PTPRQ: variants seen among roughly 807,000 people sequenced by gnomAD.
The protein encoded by PTPRQ is phosphatidylinositol phosphatase PTPRQ.
PTPRQ carries 199 observed loss-of-function variants against 246.0 expected under a neutral mutation model. The ratio of observed to expected loss-of-function variants is 0.81; its 90% CI spans 0.72 to 0.91. The LOEUF (loss-of-function observed/expected upper bound fraction) is 0.91. Ranked by LOEUF, PTPRQ falls within the 40% of genes least tolerant of loss-of-function variation. PTPRQ has a pLI of 0.00. For missense variants in PTPRQ, 2,624 were observed against 2,528.4 expected, an observed-to-expected ratio of 1.04 and a Z score of -0.81; for synonymous variants, 869 against 853.2, an observed-to-expected ratio of 1.02 and a Z score of -0.32.
chr12:80,537,343 C>T (rs1339036078), intron 19 of PTPRQ, among the ~76,000 whole-genome samples: 2 of 152,138 alleles, frequency 1.3e-5, no homozygotes, highest in African/African-American at 2.4e-5. Flanking sequence ...TATCATCTTT[C>T]CCCTTCCTAC....
In PTPRQ at chr12:80,578,214, TC is replaced by T. The variant is rs1272873392; in HGVS notation, c.4286-9909del. 9.0e-5 allele frequency among the ~76,000 whole-genome samples: 10 copies of T among 110,900 alleles called. No homozygotes were observed. The East Asian group carries it at 1.3e-3, about 15-fold the overall frequency. The allele number at this position is 110,900 out of a possible 152,430, so 72.8% of individuals were successfully genotyped here. A position where few individuals can be genotyped will look rare whatever the true frequency, so the allele number is the denominator to read the frequency against. On this transcript the variant is annotated intron_variant, in intron 25 of 44. Transcript: ENST00000644991. ...TAGGTATATCTCCTAATGCTATCCC[TC>T]CCCCCTCCCCCCACCCCACAACAGG...
At chr12:80,613,008 C>A (rs1341620744) in intron 28 of PTPRQ, among the ~76,000 whole-genome samples, 1 of 150,294 alleles carries the variant, frequency 6.7e-6, no homozygotes, top group Non-Finnish European at 1.5e-5. Context: ...GAGAGAGTTT[C>A]TTTAGGGTGA....
At chr12:80,569,985 A>G (rs1394792658) in intron 25 of PTPRQ, among the ~76,000 whole-genome samples, 2 of 152,096 alleles carry the variant, frequency 1.3e-5, no homozygotes, top group African/African-American at 4.8e-5. Flanking sequence ...TCTATCATTG[A>G]TGTGCATTTG....
At chr12:80,573,004 ATAC>A (rs1208438062) in intron 25 of PTPRQ, among the ~76,000 whole-genome samples, 1 of 152,152 alleles carries the variant, frequency 6.6e-6, no homozygotes, top group Non-Finnish European at 1.5e-5. Context: ...CATCAAAGTT[ATAC>A]TACCCTAATA....
At chr12:80,608,981 C>T (rs1486395348) in intron 27 of PTPRQ, among the ~76,000 whole-genome samples, 1 of 150,584 alleles carries the variant, frequency 6.6e-6, no homozygotes, top group African/African-American at 2.4e-5. Flanking sequence ...CTGCCAGTGG[C>T]ATATATTCCT....
intron 8 of PTPRQ, among the ~76,000 whole-genome samples, chr12:80,482,046 A>G (rs1436486801): frequency 1.3e-5 from 2 of 149,560 alleles, no homozygotes; most frequent in African/African-American, 5.0e-5. Context: ...ATATGGAACC[A>G]AAAAAGAGCC....
chr12:80,566,067 G>T (rs1592662187), intron 25 of PTPRQ, among the ~76,000 whole-genome samples: 1 of 152,192 alleles, frequency 6.6e-6, no homozygotes, highest in East Asian at 1.9e-4. Context: ...TCTATGTCTA[G>T]ATACCTTTTT....
At chr12:80,589,993 A>C (rs1477815929) in intron 26 of PTPRQ, among the ~76,000 whole-genome samples, 1 of 152,204 alleles carries the variant, frequency 6.6e-6, no homozygotes, top group African/African-American at 2.4e-5. Flanking sequence ...AAGTCTGCTT[A>C]CATCTTGACT....
At chr12:80,466,443 A>G (rs1893417168) in intron 6 of PTPRQ, among the ~76,000 whole-genome samples, 1 of 152,232 alleles carries the variant, frequency 6.6e-6, no homozygotes. Flanking sequence ...AAGGTAATTT[A>G]TAGATTCTAT....
At chr12:80,678,012 T>C (rs1901200755) in intron 43 of PTPRQ, among the ~76,000 whole-genome samples, 1 of 152,122 alleles carries the variant, frequency 6.6e-6, no homozygotes, top group South Asian at 2.1e-4. Flanking sequence ...GCCCAAACAT[T>C]CAGATGCAAT....
At chr12:80,609,380 G>A (rs1187071048) in intron 27 of PTPRQ, among the ~76,000 whole-genome samples, 1 of 150,478 alleles carries the variant, frequency 6.6e-6, no homozygotes, top group Non-Finnish European at 1.5e-5. Context: ...AAAGTTATAA[G>A]GGAAGGTCAA....
chr12:80,602,827 T>C (rs1898188066), intron 26 of PTPRQ, among the ~76,000 whole-genome samples: 1 of 151,798 alleles, frequency 6.6e-6, no homozygotes, highest in Admixed American at 6.6e-5. Flanking sequence ...GAACCAGATA[T>C]ACTGCCCATA....
intron 34 of PTPRQ, 177 bp from the exon 35 acceptor site, chr12:80,634,768 T>C: frequency 3.4e-6 from 3 of 880,704 alleles, no homozygotes; most frequent in Non-Finnish European, 4.8e-6. Flanking sequence ...GAATAGGTTC[T>C]ATGGAATTAA....
At chr12:80,478,900 T>G (rs926102199) in intron 8 of PTPRQ, among the ~76,000 whole-genome samples, 1 of 152,154 alleles carries the variant, frequency 6.6e-6, no homozygotes, top group Non-Finnish European at 1.5e-5. Context: ...CTACGTCTGA[T>G]TGGTGTACCT....
chr12:80,627,110 G>GATGCCATGATATATGT lies in PTPRQ; in HGVS notation c.5686+4979_5686+4994dup, dbSNP rs1266984118. Among the ~76,000 whole-genome samples the GATGCCATGATATATGT allele has an allele frequency of 2.6e-5, 4 of 151,840 alleles. 1 individual carries two copies. Among genetic ancestry groups the GATGCCATGATATATGT allele is most frequent in the African/African-American group, 7.3e-5 (3 of 41,352 alleles). Reference sequence around the variant, plus strand: ...CGTATATATTTATGGGGAACAGAGTGATGCCATGATATATGTATACCATGT... The same window carrying GATGCCATGATATATGT: ...CGTATATATTTATGGGGAACAGAGTGATGCCATGATATATGTATGCCATGATATATGTATACCATGT... On this transcript the variant is annotated intron_variant, in intron 33 of 44. Transcript: ENST00000644991.
chr12:80,654,003 TTTTC>T (rs1020966481), intron 38 of PTPRQ, among the ~76,000 whole-genome samples: 181 of 151,674 alleles, frequency 1.2e-3, no homozygotes, highest in African/African-American at 3.4e-3. Context: ...CATAATTTCT[TTTTC>T]TTTCTTTCTT....
chr12:80,540,082 A>G, intron 20 of PTPRQ, 138 bp downstream of exon 20: 1 of 699,260 alleles, frequency 1.4e-6, no homozygotes, highest in Non-Finnish European at 2.1e-6. Context: ...AAATGCAATT[A>G]ATATACTTAC....
intron 7 of PTPRQ, among the ~76,000 whole-genome samples, chr12:80,470,125 T>C (rs769252101): frequency 1.3e-5 from 2 of 152,134 alleles, no homozygotes; most frequent in African/African-American, 2.4e-5. Flanking sequence ...CTGATGGAAA[T>C]GAGGAAAATA....
chr12:80,523,397 T>C (rs1199184568), intron 17 of PTPRQ, among the ~76,000 whole-genome samples: 3 of 152,034 alleles, frequency 2.0e-5, no homozygotes, highest in South Asian at 4.1e-4. Context: ...TATTTCTTGC[T>C]TTCTGCTAGC....
Sources: gnomAD v4.1 joint callset for allele counts (sites outside exome capture counted in the v4.1 genomes callset) on GRCh38, gnomAD v4.1.1 for gene constraint, MANE v1.5 for transcripts, NCBI Gene and HGNC (gene_info 2026-07-23, HGNC 2026-07-21) for gene names.